The following YTHDC1 variants were observed in gnomAD, a reference collection of about 807,000 sequenced individuals.
YTHDC1 encodes YTH domain-containing protein 1.
Under a neutral mutation model 107.0 loss-of-function variants are expected in YTHDC1, and 12 were observed. The observed-to-expected ratio is 0.11, with a 90% CI of 0.07 to 0.18. YTHDC1 has a LOEUF of 0.18. Among genes scored for constraint, YTHDC1 ranks in the 10% least tolerant of loss-of-function variants. The pLI is 1.00. For synonymous variants in YTHDC1, 280 were observed against 289.5 expected, an observed-to-expected ratio of 0.97 and a Z score of 0.33; for missense variants, 635 against 898.8, an observed-to-expected ratio of 0.71 and a Z score of 3.75.
Position 68,337,244 on chromosome 4 carries a change from A to G in YTHDC1, c.666T>C (p.Asp222=). ...DEEVEEDAEE[D]EEVDEDGEEE... Reference sequence around the variant, plus strand: ...CCTCTCCATCTTCATCCACCTCTTCATCTTCTTCTGCATCTTCTTCTACTT... The same window carrying G: ...CCTCTCCATCTTCATCCACCTCTTCGTCTTCTTCTGCATCTTCTTCTACTT... Residue 222 remains aspartate (D), a synonymous_variant, in exon 4 of 17, where the codon GAT becomes GAC. Coordinates refer to ENST00000344157, the MANE Select transcript of YTHDC1 (RefSeq NM_001031732.4). The G allele has an allele frequency of 6.3e-7, 1 of 1,598,142 alleles. No individual in the cohort carries two copies. Among genetic ancestry groups the G allele is most frequent in the South Asian group, 1.1e-5 (1 of 90,252 alleles).
chr4:68,318,635 AAAT>A, intron 14 of YTHDC1, 52 bp downstream of exon 14: 1 of 1,609,020 alleles, frequency 6.2e-7, no homozygotes, highest in South Asian at 1.1e-5. Context: ...CAGAACTGCA[AAAT>A]AAATCAGAGC....
At position 68,337,752 on chromosome 4, in the gene YTHDC1, T is replaced by C. The variant is rs769392589; in HGVS notation, c.279A>G (p.Thr93=). 2 of 1,614,176 alleles carry C rather than the reference T, an allele frequency of 1.2e-6. No homozygotes were observed. The highest frequency in any genetic ancestry group is 4.5e-5 in the East Asian group (2 of 44,878). The part of the protein sequence containing the change: ...RIVSTKGKSA[T]EYKNEEYQRS... The stretch of plus-strand genomic sequence containing the variant: ...TTTGATATTCCTCATTTTTATACTC[T>C]GTGGCTGACTTTCCTTTTGTACTAA... The change falls in exon 3 of 17, where the codon ACA becomes ACG. Residue 93 remains threonine, a synonymous_variant. Transcript: ENST00000344157.
rs1380191609 is a variant in YTHDC1, at chr4:68,324,121, T to C, written c.1434+18A>G. 6.2e-7 allele frequency: 1 copy of C among 1,600,414 alleles called. No homozygotes were observed. Among genetic ancestry groups the C allele is most frequent in the Non-Finnish European group, 8.5e-7 (1 of 1,172,014 alleles). Reference sequence around the variant, plus strand: ...TGATTAAATGTGTTTTTTTAAAGAATCAATTAAGGCCACAAACCTGTCCAT... The same window carrying C: ...TGATTAAATGTGTTTTTTTAAAGAACCAATTAAGGCCACAAACCTGTCCAT... On this transcript the variant is annotated intron_variant, in intron 10 of 16. Coordinates refer to ENST00000344157, the MANE Select transcript of YTHDC1 (RefSeq NM_001031732.4).
intron 1 of YTHDC1, among the ~76,000 whole-genome samples, chr4:68,348,094 G>A (rs2109753459): frequency 6.6e-6 from 1 of 152,276 alleles, no homozygotes; most frequent in Non-Finnish European, 1.5e-5. Flanking sequence ...CCCAGTAATA[G>A]CTACACAGTT....
intron 12 of YTHDC1, 46 bp downstream of exon 12, chr4:68,320,077 T>C (rs767758730): frequency 7.3e-6 from 11 of 1,505,860 alleles, no homozygotes; most frequent in African/African-American, 1.4e-5. Context: ...TTAATTTTTT[T>C]CCAATAATTT....
At chr4:68,348,914 G>C (rs762418436) in intron 1 of YTHDC1, among the ~76,000 whole-genome samples, 2 of 152,192 alleles carry the variant, frequency 1.3e-5, no homozygotes, top group African/African-American at 4.8e-5. Context: ...GAGAGACACT[G>C]ATCTAGGACC....
At position 68,312,177 on chromosome 4, in the gene YTHDC1, A is replaced by G. The variant is rs116324797; in HGVS notation, c.*1922T>C. On this transcript the variant is annotated 3_prime_UTR_variant, in exon 17 of 17. Transcript: ENST00000344157. ...GTGATGAGGTGGTTTAGAAACACCAAATAAAAACATGGGTAAAATCTTGGC... is the reference window on the plus strand; with the variant it reads ...GTGATGAGGTGGTTTAGAAACACCAGATAAAAACATGGGTAAAATCTTGGC... 3.0e-3 allele frequency: 458 copies of G among 152,298 alleles called. 2 individuals are homozygous for G. The highest frequency in any genetic ancestry group is 0.01 in the African/African-American group (436 of 41,548). 9.4% of individuals were successfully genotyped at this position (152,298 alleles called of 1,614,324 possible). A position where few individuals can be genotyped will look rare whatever the true frequency, so the allele number is the denominator to read the frequency against.
chr4:68,324,092 G>C, intron 10 of YTHDC1, 47 bp downstream of exon 10: 1 of 1,517,140 alleles, frequency 6.6e-7, no homozygotes, highest in Non-Finnish European at 9.1e-7. Flanking sequence ...ATCTCTAAAA[G>C]GGTTGATTAA....
rs1394534366 is a variant in YTHDC1, at chr4:68,350,079, C to T, written c.-326G>A. Reference sequence around the variant, plus strand: ...GCCTGCTTCCTGCGCGAAACAATCCCGCTCCCGAAATGCCCTGCGCTGTTT... The same window carrying T: ...GCCTGCTTCCTGCGCGAAACAATCCTGCTCCCGAAATGCCCTGCGCTGTTT... On this transcript the variant is annotated 5_prime_UTR_variant, in exon 1 of 17. Transcript: ENST00000344157. The T allele has an allele frequency of 2.1e-6, 1 of 485,506 alleles. No individual in the cohort carries two copies. Among genetic ancestry groups the T allele is most frequent in the African/African-American group, 2.0e-5 (1 of 49,868 alleles). 30.1% of individuals were successfully genotyped at this position (485,506 alleles called of 1,614,324 possible). A position where few individuals can be genotyped will look rare whatever the true frequency, so the allele number is the denominator to read the frequency against.
chr4:68,333,972 T>C (rs1560492077), intron 4 of YTHDC1, among the ~76,000 whole-genome samples: 1 of 152,222 alleles, frequency 6.6e-6, no homozygotes, highest in Non-Finnish European at 1.5e-5. Flanking sequence ...CCTGGATTAC[T>C]GCTCTTATTT....
chr4:68,310,841 T>A lies in YTHDC1; in HGVS notation c.*3258A>T, dbSNP rs951198243. 1 of 152,168 alleles carries A rather than the reference T, an allele frequency of 6.6e-6. No individual in the cohort carries two copies. The highest frequency in any genetic ancestry group is 1.5e-5 in the Non-Finnish European group (1 of 68,028). 9.4% of individuals were successfully genotyped at this position (152,168 alleles called of 1,614,324 possible). A position where few individuals can be genotyped will look rare whatever the true frequency, so the allele number is the denominator to read the frequency against. ...TGAGGACTCTTAATGGTTAACATTA[T>A]GACAAGACAGGATGTATGTGACCCT... On this transcript the variant is annotated 3_prime_UTR_variant, in exon 17 of 17. Transcript: ENST00000344157.
chr4:68,316,322 T>C lies in YTHDC1; in HGVS notation c.1951A>G (p.Lys651Glu), dbSNP rs960670532. Residue 651 changes from lysine (K) to glutamate (E), a missense_variant, in exon 16 of 17, where the codon AAA (lysine) becomes GAA (glutamate). Lys to Glu is a moderately conservative substitution (Grantham distance 56). Around this residue, in one of 5 missense-constraint regions of YTHDC1, gnomAD observed 256 missense variants for 372.9 expected, o/e 0.69. Coordinates refer to ENST00000344157, the MANE Select transcript of YTHDC1 (RefSeq NM_001031732.4). ...CCTCCTTGTGCACTTACTACTCGTT[T>C]ATCTCTGTATCTTGCTTCATGTGGT... ...PVPHEARYRD[K>E]RVHDYDMRVD... 1 of 1,612,156 alleles carries C rather than the reference T, an allele frequency of 6.2e-7. No individual in the cohort carries two copies. The highest frequency in any genetic ancestry group is 1.3e-5 in the African/African-American group (1 of 74,852).
At chr4:68,348,780 G>C (rs543243472) in intron 1 of YTHDC1, among the ~76,000 whole-genome samples, 1 of 152,254 alleles carries the variant, frequency 6.6e-6, no homozygotes, top group South Asian at 2.1e-4. Context: ...GCACACAGAA[G>C]AGATGTGTGA....
intron 5 of YTHDC1, 73 bp downstream of exon 5, chr4:68,333,235 C>T: frequency 8.4e-7 from 1 of 1,190,304 alleles, no homozygotes; most frequent in South Asian, 1.4e-5. Flanking sequence ...TCACACTAAA[C>T]TACAGCCTCC....
rs757204174 is a variant in YTHDC1, at chr4:68,330,155, C to T, written c.1232-36G>A. 5.1e-6 allele frequency: 8 copies of T among 1,576,320 alleles called. No individual in the cohort carries two copies. In the African/African-American group the frequency reaches 5.5e-5, roughly 11 times the overall value. ...CATATCATAATATAATATGTAGATG[C>T]TAATATAATTAATGTTTTTATATGT... On this transcript the variant is annotated intron_variant, in intron 8 of 16. Transcript: ENST00000344157.
chr4:68,341,769 T>C (rs1437253498), intron 1 of YTHDC1, among the ~76,000 whole-genome samples: 2 of 152,184 alleles, frequency 1.3e-5, no homozygotes, highest in African/African-American at 4.8e-5. Flanking sequence ...GGAAAAGTCT[T>C]GGAGGTTAAG....
At chr4:68,345,730 G>A (rs1560506988) in intron 1 of YTHDC1, among the ~76,000 whole-genome samples, 1 of 152,102 alleles carries the variant, frequency 6.6e-6, no homozygotes, top group East Asian at 1.9e-4. Context: ...AGTGAACCAA[G>A]ACAGGCAATT....
intron 10 of YTHDC1, among the ~76,000 whole-genome samples, chr4:68,323,465 T>A (rs1378030000): frequency 6.6e-6 from 1 of 152,190 alleles, no homozygotes; most frequent in Non-Finnish European, 1.5e-5. Context: ...TAGTGGCTCA[T>A]GCCTGTAATT....
intron 9 of YTHDC1, among the ~76,000 whole-genome samples, chr4:68,327,623 G>A (rs1360858230): frequency 6.6e-6 from 1 of 151,986 alleles, no homozygotes; most frequent in Non-Finnish European, 1.5e-5. Flanking sequence ...TATCCAAAGG[G>A]TCCTTAAATA....
Sources: gnomAD v4.1 joint callset for allele counts (sites outside exome capture counted in the v4.1 genomes callset) on GRCh38, gnomAD v4.1.1 for gene constraint, gnomAD v4.1.1 regional missense constraint, MANE v1.5 for transcripts, NCBI Gene and HGNC (gene_info 2026-07-23, HGNC 2026-07-21) for gene names.